Variants in SLC35F1 observed in about 807,000 individuals in gnomAD.
SLC35F1 encodes the protein chromosome 6 open reading frame 169.
Under a neutral mutation model 48.7 loss-of-function variants are expected in SLC35F1, and 14 were observed. The ratio of observed to expected loss-of-function variants is 0.29; its 90% CI spans 0.19 to 0.45. The LOEUF is 0.45. Ranked by LOEUF, SLC35F1 falls within the 20% of genes least tolerant of loss-of-function variation. SLC35F1 has a pLI of 1.00. For synonymous variants in SLC35F1, 190 were observed against 202.2 expected, an observed-to-expected ratio of 0.94 and a Z score of 0.51; for missense variants, 404 against 500.0, an observed-to-expected ratio of 0.81 and a Z score of 1.83.
chr6:118,103,594 A>C (rs1773289282), intron 1 of SLC35F1, among the ~76,000 whole-genome samples: 1 of 152,216 alleles, frequency 6.6e-6, no homozygotes, highest in South Asian at 2.1e-4. Flanking sequence ...CAGAAATGGT[A>C]GGAGGCTGCT....
chr6:118,176,591 C>G (rs1167304595), intron 2 of SLC35F1, among the ~76,000 whole-genome samples: 1 of 152,020 alleles, frequency 6.6e-6, no homozygotes, highest in Non-Finnish European at 1.5e-5. Context: ...TGAAAAAAAT[C>G]ATCTGCAATC....
chr6:118,079,520 T>C (rs1772874064), intron 1 of SLC35F1, among the ~76,000 whole-genome samples: 1 of 152,168 alleles, frequency 6.6e-6, no homozygotes, highest in South Asian at 2.1e-4. Flanking sequence ...GGCATATACA[T>C]AGAACTGGAA....
chr6:117,975,091 C>T (rs578152741), intron 1 of SLC35F1, among the ~76,000 whole-genome samples: 3 of 152,294 alleles, frequency 2.0e-5, no homozygotes, highest in Non-Finnish European at 4.4e-5. Context: ...GAATCCATAG[C>T]CTCTGAGTTT....
At chr6:118,095,271 G>A (rs1334782608) in intron 1 of SLC35F1, among the ~76,000 whole-genome samples, 1 of 152,322 alleles carries the variant, frequency 6.6e-6, no homozygotes, top group East Asian at 1.9e-4. Context: ...CTTAGTTTGT[G>A]CTCTTTGTTC....
At chr6:118,190,620 A>G (rs1774719518) in intron 2 of SLC35F1, among the ~76,000 whole-genome samples, 1 of 152,134 alleles carries the variant, frequency 6.6e-6, no homozygotes, top group Non-Finnish European at 1.5e-5. Context: ...TTCCACTTGA[A>G]GAGAGACCAT....
At chr6:118,111,517 C>T (rs761541928) in intron 1 of SLC35F1, among the ~76,000 whole-genome samples, 7 of 152,116 alleles carry the variant, frequency 4.6e-5, no homozygotes, top group Non-Finnish European at 8.8e-5. Context: ...TTGAACGTGA[C>T]AGAAACAAAG....
chr6:118,213,921 A>G (rs896452587), intron 2 of SLC35F1, among the ~76,000 whole-genome samples: 2 of 152,200 alleles, frequency 1.3e-5, no homozygotes, highest in African/African-American at 4.8e-5. Context: ...TCAACTTGAC[A>G]TGGAGTGTTT....
intron 2 of SLC35F1, among the ~76,000 whole-genome samples, chr6:118,164,779 G>A (rs1333111229): frequency 6.6e-6 from 1 of 152,136 alleles, no homozygotes; most frequent in African/African-American, 2.4e-5. Flanking sequence ...CCATATTCCA[G>A]CATATATGTT....
At chr6:118,272,888 A>T (rs1024045226) in intron 4 of SLC35F1, among the ~76,000 whole-genome samples, 1 of 150,612 alleles carries the variant, frequency 6.6e-6, no homozygotes, top group Non-Finnish European at 1.5e-5. Context: ...TATTAGTCTT[A>T]GTACCTACAC....
intron 4 of SLC35F1, among the ~76,000 whole-genome samples, chr6:118,269,827 G>A (rs1251688875): frequency 6.6e-6 from 1 of 152,124 alleles, no homozygotes; most frequent in East Asian, 1.9e-4. Context: ...CTTGAGGCCA[G>A]GAGTTAGAGA....
chr6:118,215,792 T>C (rs895057816), intron 2 of SLC35F1, among the ~76,000 whole-genome samples: 4 of 152,180 alleles, frequency 2.6e-5, no homozygotes, highest in Non-Finnish European at 5.9e-5. Flanking sequence ...ATACAGATAG[T>C]TCTTAGAGAA....
At chr6:118,126,296 T>A (rs1267750318) in intron 1 of SLC35F1, among the ~76,000 whole-genome samples, 1 of 152,224 alleles carries the variant, frequency 6.6e-6, no homozygotes, top group South Asian at 2.1e-4. Context: ...GTTGTAGATA[T>A]GCGGCGTTAT....
chr6:117,963,216 C>A (rs1414510257), intron 1 of SLC35F1, among the ~76,000 whole-genome samples: 1 of 152,116 alleles, frequency 6.6e-6, no homozygotes, highest in African/African-American at 2.4e-5. Context: ...ATAAAATGAC[C>A]ATACTAGAAT....
At chr6:117,916,730 G>A (rs750956349) in intron 1 of SLC35F1, among the ~76,000 whole-genome samples, 5 of 152,186 alleles carry the variant, frequency 3.3e-5, no homozygotes, top group East Asian at 1.9e-4. Flanking sequence ...CAGAGATCAC[G>A]CAATTAAGGA....
intron 1 of SLC35F1, among the ~76,000 whole-genome samples, chr6:118,023,191 T>A (rs1180155565): frequency 6.6e-6 from 1 of 152,200 alleles, no homozygotes; most frequent in East Asian, 1.9e-4. Flanking sequence ...AGGTGGAGAT[T>A]TCTGAAGATC....
chr6:118,304,368 TAA>T (rs746442246), intron 7 of SLC35F1, among the ~76,000 whole-genome samples: 17 of 117,350 alleles, frequency 1.4e-4, no homozygotes, highest in Admixed American at 1.8e-4. Flanking sequence ...CTTCATCTCT[TAA>T]AAAAAAAAAA....
intron 1 of SLC35F1, among the ~76,000 whole-genome samples, chr6:118,113,770 C>G (rs1773440676): frequency 6.6e-6 from 1 of 152,128 alleles, no homozygotes; most frequent in South Asian, 2.1e-4. Flanking sequence ...ATGTTTCTGA[C>G]ATTTCTCCCC....
At chr6:118,220,052 A>T (rs1775126639) in intron 2 of SLC35F1, among the ~76,000 whole-genome samples, 1 of 152,122 alleles carries the variant, frequency 6.6e-6, no homozygotes, top group Non-Finnish European at 1.5e-5. Flanking sequence ...TAGCAATAGG[A>T]GATATACCTA....
intron 1 of SLC35F1, among the ~76,000 whole-genome samples, chr6:118,081,383 C>G (rs1009554210): frequency 6.6e-6 from 1 of 152,038 alleles, no homozygotes; most frequent in South Asian, 2.1e-4. Flanking sequence ...GTAATCCTAA[C>G]ACTGTGGGAG....
Sources: allele counts gnomAD v4.1 joint callset (sites outside exome capture counted in the v4.1 genomes callset), GRCh38; gene constraint gnomAD v4.1.1; transcripts MANE v1.5; gene names NCBI Gene and HGNC (gene_info 2026-07-23, HGNC 2026-07-21).